Variants in DUSP8 observed in about 807,000 individuals in gnomAD.
The protein encoded by DUSP8 is dual specificity protein phosphatase 8.
A neutral mutation model predicts 38.7 loss-of-function variants in DUSP8; 15 were observed. That is an observed-to-expected ratio of 0.39 (90% CI 0.26 to 0.60). The LOEUF (loss-of-function observed/expected upper bound fraction) is 0.60, where lower values mean the gene tolerates loss of function less well. Among genes scored for constraint, DUSP8 ranks in the 20% least tolerant of loss-of-function variants. DUSP8 has a pLI of 0.56. For synonymous variants in DUSP8, 458 were observed against 433.9 expected (o/e 1.06, Z -0.69); for missense variants, 768 against 915.0 (o/e 0.84, Z 2.07).
chr11:1,563,620 A>G (rs1848754970), intron 3 of DUSP8, among the ~76,000 whole-genome samples: 1 of 152,092 alleles, frequency 6.6e-6, no homozygotes, highest in Non-Finnish European at 1.5e-5. Context: ...GCCTTGCCCT[A>G]CACCTCTGGA....
intron 3 of DUSP8, among the ~76,000 whole-genome samples, chr11:1,561,212 C>T (rs964341805): frequency 4.6e-5 from 7 of 152,144 alleles, no homozygotes; most frequent in South Asian, 4.1e-4. Flanking sequence ...TCTCCAAAGG[C>T]GCCTTCCCAG....
chr11:1,557,001 C>G lies in DUSP8; in HGVS notation c.1395G>C (p.Ala465=). The change falls in exon 7 of 7, where the codon GCG becomes GCC. Residue 465 remains alanine (A), a synonymous_variant. Transcript: ENST00000397374. This position sits in a 1 kb window ranked among gnomAD's most constrained non-coding sequence, Gnocchi z 9.9. ...GGCCGAGGCTGTGCGCGGGGGAGCG[C>G]GCGGGGGAGCCGGCGGGGGGCCGGG... ...RRPRPPAGSP[A]RSPAHSLGLN... The G allele has an allele frequency of 9.8e-7, 1 of 1,019,764 alleles. No homozygotes were observed. The highest frequency in any genetic ancestry group is 1.2e-6 in the Non-Finnish European group (1 of 855,088). 63.2% of individuals were successfully genotyped at this position (1,019,764 alleles called of 1,614,324 possible).
chr11:1,557,774 G>C lies in DUSP8; in HGVS notation c.821+20C>G, dbSNP rs754286469. ...AAGCGACGCTGTGAGCCACAAGTGC[G>C]CGACTGGGGAAGGTGGTACCTGTAG... On this transcript the variant is annotated intron_variant, in intron 6 of 6. Coordinates refer to ENST00000397374, the MANE Select transcript of DUSP8 (RefSeq NM_004420.3). The surrounding 1 kb of genome is among the most constrained non-coding windows in gnomAD (Gnocchi z 9.9). 1 of 1,612,186 alleles carries C rather than the reference G, an allele frequency of 6.2e-7. No homozygotes were observed. Among genetic ancestry groups the C allele is most frequent in the Non-Finnish European group, 8.5e-7 (1 of 1,179,876 alleles).
Position 1,572,088 on chromosome 11 carries a change from G to GGGGCGCGCGCACTGCGGGC in DUSP8, c.-315_-297dup, listed in dbSNP as rs1848911598. Among the ~76,000 whole-genome samples, 1 of 145,288 alleles carries GGGGCGCGCGCACTGCGGGC rather than the reference G, an allele frequency of 6.9e-6. No individual in the cohort carries two copies. Among genetic ancestry groups the GGGGCGCGCGCACTGCGGGC allele is most frequent in the South Asian group, 2.1e-4 (1 of 4,766 alleles). ...GCCGCGGGGAGCGCTCGCTCGGGCC[G>GGGGCGCGCGCACTGCGGGC]GGGCGCGCGCACTGCGGGCGGGCAC... On this transcript the variant is annotated 5_prime_UTR_variant, in exon 1 of 7. It removes the in-frame stop codon of an upstream open reading frame in the 5' UTR. Coordinates refer to ENST00000397374, the MANE Select transcript of DUSP8 (RefSeq NM_004420.3). This position sits in a 1 kb window ranked among gnomAD's most constrained non-coding sequence, Gnocchi z 4.7.
Position 1,555,456 on chromosome 11 carries a change from G to A in DUSP8, c.*1062C>T. ...CCCCTCAGCCTGCAGGTGCACACCT[G>A]AATTCCAAGTTCTGCCTGGGGCATG... On this transcript the variant is annotated 3_prime_UTR_variant, in exon 7 of 7. Transcript: ENST00000397374. 1.0e-6 allele frequency: 1 copy of A among 983,852 alleles called. No individual in the cohort carries two copies. The highest frequency in any genetic ancestry group is 4.7e-5 in the South Asian group (1 of 21,230). The allele number at this position is 983,852 out of a possible 1,614,324, so 60.9% of individuals were successfully genotyped here. A position where few individuals can be genotyped will look rare whatever the true frequency, so the allele number is the denominator to read the frequency against.
In DUSP8 at chr11:1,556,851, T is replaced by A. The variant is rs558547921; in HGVS notation, c.1545A>T (p.Pro515=). ...PGAWAPPLDS[P]GTPSPDGPWC... is the part of the protein sequence containing the mutation. ...AGGGCCCGTCGGGCGACGGCGTGCC[T>A]GGGGAGTCGAGCGGCGGTGCCCAGG... is the stretch of plus-strand genomic sequence containing the variant. The change falls in exon 7 of 7, where the codon CCA becomes CCT. Residue 515 remains proline, a synonymous_variant. Transcript: ENST00000397374. This position sits in a 1 kb window ranked among gnomAD's most constrained non-coding sequence, Gnocchi z 5.2. 2.0e-3 allele frequency: 2,269 copies of A among 1,138,984 alleles called. 35 individuals are homozygous for A. The African/African-American group carries it at 0.035, about 17-fold the overall frequency. 70.6% of individuals were successfully genotyped at this position (1,138,984 alleles called of 1,614,324 possible).
At chr11:1,568,205 A>G (rs1848834701) in intron 1 of DUSP8, among the ~76,000 whole-genome samples, 1 of 152,124 alleles carries the variant, frequency 6.6e-6, no homozygotes, top group Non-Finnish European at 1.5e-5. Context: ...TGCAGGGAGG[A>G]GGGCAGGTGT....
At position 1,557,553 on chromosome 11, in the gene DUSP8, C is replaced by G. The variant is rs753120497; in HGVS notation, c.843G>C (p.Pro281=). 4 of 1,588,338 alleles carry G rather than the reference C, an allele frequency of 2.5e-6. No individual in the cohort carries two copies. The highest frequency in any genetic ancestry group is 2.2e-5 in the South Asian group (2 of 89,632). The change falls in exon 7 of 7, where the codon CCG becomes CCC. Residue 281 remains proline (P), a synonymous_variant. Transcript: ENST00000397374. This position sits in a 1 kb window ranked among gnomAD's most constrained non-coding sequence, Gnocchi z 9.9. ...DAYRFVKDRR[P]SISPNFNFLG... is the part of the protein sequence containing the mutation. ...GGAAGTTGAAGTTGGGCGAGATGGA[C>G]GGGCGCCTGTCCTTCACGAACCTGC...
chr11:1,572,178 G>T lies in DUSP8; in HGVS notation c.-386C>A, dbSNP rs1428205140. Among the ~76,000 whole-genome samples, 1 of 142,960 alleles carries T rather than the reference G, an allele frequency of 7.0e-6. No individual in the cohort carries two copies. The highest frequency in any genetic ancestry group is 1.6e-5 in the Non-Finnish European group (1 of 64,010). 93.8% of individuals were successfully genotyped at this position (142,960 alleles called of 152,430 possible). On this transcript the variant is annotated 5_prime_UTR_variant, in exon 1 of 7. Coordinates refer to ENST00000397374, the MANE Select transcript of DUSP8 (RefSeq NM_004420.3). This position sits in a 1 kb window ranked among gnomAD's most constrained non-coding sequence, Gnocchi z 4.7. ...GGCGCGGCCGGGAGGTTCCGGCGCG[G>T]CTCGGGCTCGGGCTCGGGCTCGGGC...
rs113830035 is a variant in DUSP8, at chr11:1,565,287, C to T, written c.231+309G>A. On this transcript the variant is annotated intron_variant, in intron 2 of 6. Coordinates refer to ENST00000397374, the MANE Select transcript of DUSP8 (RefSeq NM_004420.3). Reference sequence around the variant, plus strand: ...GCTCCCCTCTGTGAGCCTGGGTTGGCCCTGGCCACACAGTCCTATCTGCGT... The same window carrying T: ...GCTCCCCTCTGTGAGCCTGGGTTGGTCCTGGCCACACAGTCCTATCTGCGT... Among the ~76,000 whole-genome samples, 1,486 of 152,336 alleles carry T rather than the reference C, an allele frequency of 9.8e-3. 17 individuals carry two copies. The highest frequency in any genetic ancestry group is 0.034 in the African/African-American group (1,408 of 41,576).
chr11:1,560,018 C>CGTCCCTGACCTGGCT (rs1349982329), intron 3 of DUSP8, among the ~76,000 whole-genome samples: 3 of 152,178 alleles, frequency 2.0e-5, no homozygotes, highest in Non-Finnish European at 4.4e-5. Context: ...TGGACCTGGC[C>CGTCCCTGACCTGGCT]GTCCCTGACC....
rs1345910383 is a variant in DUSP8, at chr11:1,556,344, C to T, written c.*174G>A. On this transcript the variant is annotated 3_prime_UTR_variant, in exon 7 of 7. Coordinates refer to ENST00000397374, the MANE Select transcript of DUSP8 (RefSeq NM_004420.3). The surrounding 1 kb of genome is among the most constrained non-coding windows in gnomAD (Gnocchi z 5.2). ...CAGTAAAAATAGAGCTCGAGGACCA[C>T]CCGCACTGTTGCCAAATCATTGCCA... The T allele has an allele frequency of 2.4e-6, 2 of 850,874 alleles. No homozygotes were observed. Among genetic ancestry groups the T allele is most frequent in the East Asian group, 3.4e-5 (1 of 29,778 alleles). 52.7% of individuals were successfully genotyped at this position (850,874 alleles called of 1,614,324 possible).
chr11:1,563,892 C>A lies in DUSP8; in HGVS notation c.329G>T (p.Ser110Ile), dbSNP rs772949165. The change falls in exon 3 of 7, where the codon AGC becomes ATC. Residue 110 changes from serine (S) to isoleucine (I), a missense_variant. Around this residue, in one of 3 missense-constraint regions of DUSP8, gnomAD observed 252 missense variants for 410.4 expected, o/e 0.61. Transcript: ENST00000397374. ...GCTGTCGAAGCAGCCGTCCAGCTTGCTCAGCAGGATGGAGAGGAAGCTGTC... is the reference window on the plus strand; with the variant it reads ...GCTGTCGAAGCAGCCGTCCAGCTTGATCAGCAGGATGGAGAGGAAGCTGTC... ...AADSFLSILL[S>I]KLDGCFDSVA... 8 of 1,552,332 alleles carry A rather than the reference C, an allele frequency of 5.2e-6. No individual in the cohort carries two copies. Among genetic ancestry groups the A allele is most frequent in the Non-Finnish European group, 7.0e-6 (8 of 1,147,842 alleles).
intron 3 of DUSP8, chr11:1,559,340 A>C: frequency 2.8e-6 from 1 of 360,514 alleles, no homozygotes; most frequent in South Asian, 5.0e-5. Flanking sequence ...GATGCCCGTA[A>C]AGGTGGCGTT....
rs1284559229 is a variant in DUSP8 at position 1,556,551 on chromosome 11, G to C, written c.1845C>G (p.Phe615Leu). The C allele has an allele frequency of 1.4e-6, 2 of 1,402,446 alleles. No homozygotes were observed. The highest frequency in any genetic ancestry group is 1.9e-6 in the Non-Finnish European group (2 of 1,075,590). 86.9% of individuals were successfully genotyped at this position (1,402,446 alleles called of 1,614,324 possible). A position where few individuals can be genotyped will look rare whatever the true frequency, so the allele number is the denominator to read the frequency against. Residue 615 changes from phenylalanine (F) to leucine (L), a missense_variant, in exon 7 of 7, where the codon TTC becomes TTG. This residue lies in a region of DUSP8 where 42 missense variants were observed against 73.7 expected (regional missense o/e 0.57). Coordinates refer to ENST00000397374, the MANE Select transcript of DUSP8 (RefSeq NM_004420.3). This position sits in a 1 kb window ranked among gnomAD's most constrained non-coding sequence, Gnocchi z 5.2. ...ELAALGKQASFSGSVEVIEVS is the reference protein window; with the variant it reads ...ELAALGKQASLSGSVEVIEVS ...CCTCGATGACCTCCACGCTGCCCGA[G>C]AAGCTCGCCTGCTTGCCCAGGGCGG...
chr11:1,569,194 C>T (rs990869951), intron 1 of DUSP8, among the ~76,000 whole-genome samples: 38 of 152,106 alleles, frequency 2.5e-4, no homozygotes, highest in African/African-American at 8.9e-4. Flanking sequence ...GACAGGATGC[C>T]CCCTAGCACA....
chr11:1,560,246 C>A (rs1459229296), intron 3 of DUSP8, among the ~76,000 whole-genome samples: 1 of 152,142 alleles, frequency 6.6e-6, no homozygotes, highest in African/African-American at 2.4e-5. Context: ...GGAGTGACGG[C>A]GGGAGCTCAG....
chr11:1,564,321 T>C (rs887661394), intron 2 of DUSP8, among the ~76,000 whole-genome samples: 1 of 151,820 alleles, frequency 6.6e-6, no homozygotes, highest in African/African-American at 2.4e-5. Flanking sequence ...CACAGGTGAG[T>C]GCGATGGGAG....
rs1172839793 is a variant in DUSP8, at chr11:1,556,777, G to A, written c.1619C>T (p.Ala540Val). The change falls in exon 7 of 7, where the codon GCG becomes GTG. Residue 540 changes from alanine to valine, a missense_variant. By Grantham distance (64) the Ala-to-Val change is moderately conservative. Around this residue, in one of 3 missense-constraint regions of DUSP8, gnomAD observed 474 missense variants for 430.8 expected, o/e 1.10. Coordinates refer to ENST00000397374, the MANE Select transcript of DUSP8 (RefSeq NM_004420.3). This position sits in a 1 kb window ranked among gnomAD's most constrained non-coding sequence, Gnocchi z 5.2. ...CGGGGCGCCCGCCCGGCCGAAGGGC[G>A]CAAACAGCACCCCGCCCGCCCCCTG... ...GAQGAGGVLF[A>V]PFGRAGAPGP... 31 of 1,189,620 alleles carry A rather than the reference G, an allele frequency of 2.6e-5. No homozygotes were observed. The East Asian group carries it at 1.1e-3, about 40-fold the overall frequency. 73.7% of individuals were successfully genotyped at this position (1,189,620 alleles called of 1,614,324 possible).
Sources: gnomAD v4.1 joint callset for allele counts (sites outside exome capture counted in the v4.1 genomes callset) on GRCh38, gnomAD v4.1.1 for gene constraint, gnomAD v4.1.1 regional missense constraint, Gnocchi (gnomAD v3.1) non-coding constraint, MANE v1.5 for transcripts, NCBI Gene and HGNC (gene_info 2026-07-23, HGNC 2026-07-21) for gene names.